RHPN2: variants seen among roughly 807,000 people sequenced by gnomAD.
The protein encoded by RHPN2 is rhophilin Rho GTPase binding protein 2.
A neutral mutation model predicts 79.0 loss-of-function variants in RHPN2; 40 were observed. That is an observed-to-expected ratio of 0.51 (90% CI 0.39 to 0.66). The LOEUF is 0.66. Among genes scored for constraint, RHPN2 ranks in the 30% least tolerant of loss-of-function variants. The pLI is 0.00. For missense variants in RHPN2, 686 were observed against 883.5 expected (o/e 0.78, Z 2.83); for synonymous variants, 285 against 363.5 (o/e 0.78, Z 2.46).
chr19:32,998,093 AG>A (rs35586502), intron 10 of RHPN2, among the ~76,000 whole-genome samples: 1 of 152,158 alleles, frequency 6.6e-6, no homozygotes, highest in Non-Finnish European at 1.5e-5. Context: ...CAGGCTCTGA[AG>A]GGGCAGCAGG....
rs141544762 is a variant in RHPN2, at chr19:33,034,879, G to A, written c.186-8247C>T. Among the ~76,000 whole-genome samples, 201 of 152,040 alleles carry A rather than the reference G, an allele frequency of 1.3e-3. 1 individual carries two copies. The highest frequency in any genetic ancestry group is 4.3e-3 in the African/African-American group (178 of 41,496). The stretch of plus-strand genomic sequence containing the variant: ...TTTGAGAGGCTGAGGCAGGAGGACT[G>A]CTTGAGGCTAGGAGTTCAAGACCAG... On this transcript the variant is annotated intron_variant, in intron 2 of 14. Transcript: ENST00000254260.
In RHPN2 at chr19:33,064,868, G is replaced by C; in HGVS notation, c.-16C>G. On this transcript the variant is annotated 5_prime_UTR_variant, in exon 1 of 15. Coordinates refer to ENST00000254260, the MANE Select transcript of RHPN2 (RefSeq NM_033103.5). ...CGTCGGTCATGCTAGCGGCGCGGGCGCGGAGGGCGGACGGCGGACTGAGGC... is the reference window on the plus strand; with the variant it reads ...CGTCGGTCATGCTAGCGGCGCGGGCCCGGAGGGCGGACGGCGGACTGAGGC... 6.7e-7 allele frequency: 1 copy of C among 1,499,744 alleles called. No homozygotes were observed. The highest frequency in any genetic ancestry group is 8.8e-7 in the Non-Finnish European group (1 of 1,131,376). 92.9% of individuals were successfully genotyped at this position (1,499,744 alleles called of 1,614,324 possible).
At chr19:33,038,561 T>C (rs1388026876) in intron 2 of RHPN2, among the ~76,000 whole-genome samples, 2 of 152,048 alleles carry the variant, frequency 1.3e-5, no homozygotes, top group African/African-American at 2.4e-5. Context: ...TGATTGCAGC[T>C]CATTACAACC....
At chr19:33,008,210 C>G in intron 6 of RHPN2, 30 bp from the exon 7 acceptor site, 3 of 1,591,316 alleles carry the variant, frequency 1.9e-6, no homozygotes, top group Non-Finnish European at 2.6e-6. Context: ...TCCGAGAATA[C>G]AGATTACTTG....
chr19:33,001,591 C>A (rs1440646080), intron 9 of RHPN2, among the ~76,000 whole-genome samples: 1 of 151,506 alleles, frequency 6.6e-6, no homozygotes, highest in Admixed American at 6.6e-5. Flanking sequence ...ATTTTTTTTG[C>A]ATTAATTTTT....
At chr19:33,002,741 C>T (rs1045582786) in intron 8 of RHPN2, 72 bp downstream of exon 8, 18 of 1,554,222 alleles carry the variant, frequency 1.2e-5, no homozygotes, top group Middle Eastern at 1.7e-4. Flanking sequence ...GGGAAGGCCC[C>T]GCTACTTCCA....
At chr19:33,056,438 A>C (rs1972233743) in intron 1 of RHPN2, among the ~76,000 whole-genome samples, 1 of 152,008 alleles carries the variant, frequency 6.6e-6, no homozygotes, top group Non-Finnish European at 1.5e-5. Context: ...TCATGGCCAC[A>C]ACAGATTTTC....
chr19:33,002,073 C>T (rs1971752651), intron 9 of RHPN2, among the ~76,000 whole-genome samples, 174 bp downstream of exon 9: 1 of 152,154 alleles, frequency 6.6e-6, no homozygotes, highest in African/African-American at 2.4e-5. Context: ...CTTATAACCC[C>T]TAACCCCACC....
chr19:33,046,245 G>GT (rs1284199857), intron 1 of RHPN2, among the ~76,000 whole-genome samples: 2 of 152,128 alleles, frequency 1.3e-5, no homozygotes, highest in Admixed American at 6.6e-5. Flanking sequence ...AGATCAGGTG[G>GT]TTTTTTTGTT....
intron 14 of RHPN2, among the ~76,000 whole-genome samples, chr19:32,989,045 T>C (rs1971633076): frequency 6.6e-6 from 1 of 152,104 alleles, no homozygotes; most frequent in Non-Finnish European, 1.5e-5. Flanking sequence ...GGGTACATCA[T>C]TAAGTGTGGC....
intron 2 of RHPN2, among the ~76,000 whole-genome samples, chr19:33,042,702 C>G (rs1185745899): frequency 6.6e-6 from 1 of 152,126 alleles, no homozygotes; most frequent in Non-Finnish European, 1.5e-5. Flanking sequence ...GAGACCAAGG[C>G]AGGAGGATCA....
chr19:32,996,472 G>A (rs892541435), intron 10 of RHPN2: 57 of 531,356 alleles, frequency 1.1e-4, no homozygotes, highest in Non-Finnish European at 1.8e-4. Flanking sequence ...AGTGTAAGCT[G>A]ACTCCAAGCA....
chr19:32,996,122 C>A lies in RHPN2; in HGVS notation c.1324G>T (p.Val442Leu). 2 of 1,614,116 alleles carry A rather than the reference C, an allele frequency of 1.2e-6. No homozygotes were observed. The highest frequency in any genetic ancestry group is 1.7e-6 in the Non-Finnish European group (2 of 1,179,972). ...KLRSIEVLQKVLCAAQERSRL... is the reference protein window; with the variant it reads ...KLRSIEVLQKLLCAAQERSRL... ...GAGCGTTCCTGTGCGGCACACAGCA[C>A]CTTCTGTAGCACCTCAATGCTCCGC... The change falls in exon 11 of 15, where the codon GTG becomes TTG. Residue 442 changes from valine to leucine, a missense_variant. Transcript: ENST00000254260.
At chr19:32,985,005 A>ATT (rs59263976) in intron 14 of RHPN2, among the ~76,000 whole-genome samples, 5 of 148,234 alleles carry the variant, frequency 3.4e-5, no homozygotes, top group South Asian at 2.2e-4. Context: ...ACTTGGTAGG[A>ATT]TTTTTTTTTT....
intron 1 of RHPN2, among the ~76,000 whole-genome samples, chr19:33,056,054 G>A (rs1019543871): frequency 9.9e-5 from 15 of 151,576 alleles, no homozygotes; most frequent in Non-Finnish European, 2.2e-4. Flanking sequence ...CAATGGCCCT[G>A]GGGAAAGGCT....
At chr19:33,001,374 A>C (rs1298215339) in intron 9 of RHPN2, among the ~76,000 whole-genome samples, 6 of 151,410 alleles carry the variant, frequency 4.0e-5, no homozygotes, top group East Asian at 1.9e-4. Flanking sequence ...CCATCTCTAT[A>C]AAAAAAAAAT....
At chr19:33,058,388 T>A (rs1408006348) in intron 1 of RHPN2, among the ~76,000 whole-genome samples, 2 of 152,198 alleles carry the variant, frequency 1.3e-5, no homozygotes, top group African/African-American at 4.8e-5. Flanking sequence ...GAGCATAATG[T>A]CATTTTAAAG....
intron 3 of RHPN2, among the ~76,000 whole-genome samples, chr19:33,024,627 A>G (rs1971951831): frequency 6.6e-6 from 1 of 151,884 alleles, no homozygotes; most frequent in African/African-American, 2.4e-5. Context: ...CAAGGTTCCC[A>G]AATCCCGGGA....
chr19:33,039,681 T>C (rs1972084967), intron 2 of RHPN2, among the ~76,000 whole-genome samples: 1 of 151,726 alleles, frequency 6.6e-6, no homozygotes, highest in African/African-American at 2.4e-5. Context: ...CTACTAAAAA[T>C]ACAAAAATTA....
Sources: gnomAD v4.1 joint callset for allele counts (sites outside exome capture counted in the v4.1 genomes callset) on GRCh38, gnomAD v4.1.1 for gene constraint, MANE v1.5 for transcripts, NCBI Gene and HGNC (gene_info 2026-07-23, HGNC 2026-07-21) for gene names.